SPOCK3: variants seen among roughly 807,000 people sequenced by gnomAD.
SPOCK3 encodes testican-3.
Under a neutral mutation model 56.6 loss-of-function variants are expected in SPOCK3, and 30 were observed. That is an observed-to-expected ratio of 0.53 (90% CI 0.40 to 0.72). The LOEUF is 0.72. Among genes scored for constraint, SPOCK3 ranks in the 30% least tolerant of loss-of-function variants. SPOCK3 has a pLI of 0.00. For missense variants in SPOCK3, 527 were observed against 530.0 expected, an observed-to-expected ratio of 0.99 and a Z score of 0.06; for synonymous variants, 196 against 183.3, an observed-to-expected ratio of 1.07 and a Z score of -0.56.
chr4:166,974,324 GGACA>G (rs1410783556), intron 4 of SPOCK3, among the ~76,000 whole-genome samples: 5 of 151,832 alleles, frequency 3.3e-5, no homozygotes, highest in Admixed American at 2.0e-4. Flanking sequence ...TTGGAATTGG[GGACA>G]GACATTGAAA....
chr4:167,046,258 T>G (rs1359292215), intron 3 of SPOCK3, among the ~76,000 whole-genome samples: 3 of 151,954 alleles, frequency 2.0e-5, no homozygotes, highest in Non-Finnish European at 4.4e-5. Context: ...TTTTTGTTTT[T>G]GCTTTATTTT....
At chr4:167,000,917 A>G (rs953572607) in intron 3 of SPOCK3, among the ~76,000 whole-genome samples, 1 of 152,220 alleles carries the variant, frequency 6.6e-6, no homozygotes, top group Non-Finnish European at 1.5e-5. Flanking sequence ...ATTAATGGAT[A>G]TCTTTGGCTA....
intron 6 of SPOCK3, among the ~76,000 whole-genome samples, chr4:166,823,331 T>C (rs1251862857): frequency 6.6e-6 from 1 of 151,900 alleles, no homozygotes; most frequent in Non-Finnish European, 1.5e-5. Context: ...GCAGAGACAC[T>C]AGATAAAAAA....
At chr4:166,782,856 A>G (rs947837644) in intron 7 of SPOCK3, among the ~76,000 whole-genome samples, 3 of 152,108 alleles carry the variant, frequency 2.0e-5, no homozygotes, top group Non-Finnish European at 4.4e-5. Flanking sequence ...TATTTTTGTG[A>G]GAAAGACTTT....
rs1756398471 is a variant in SPOCK3 at position 167,068,772 on chromosome 4, G to A, written c.190-6235C>T. Among the ~76,000 whole-genome samples the A allele has an allele frequency of 5.9e-5, 9 of 151,896 alleles. No individual in the cohort carries two copies. The South Asian group carries it at 1.9e-3, about 32-fold the overall frequency. ...ATTCTACAGAAAAAGAAAATTGAGT[G>A]GTACACAGCTTGTGACTTCAAGGAG... is the stretch of plus-strand genomic sequence containing the variant. On this transcript the variant is annotated intron_variant, in intron 2 of 10. Coordinates refer to ENST00000357545, the MANE Select transcript of SPOCK3 (RefSeq NM_001040159.2).
chr4:167,038,428 TTTATG>T (rs1752953578), intron 3 of SPOCK3, among the ~76,000 whole-genome samples: 1 of 152,130 alleles, frequency 6.6e-6, no homozygotes, highest in South Asian at 2.1e-4. Flanking sequence ...TATCTACAAA[TTTATG>T]TTATATTTTC....
intron 5 of SPOCK3, among the ~76,000 whole-genome samples, chr4:166,894,218 C>CT (rs1735099829): frequency 6.6e-6 from 1 of 151,928 alleles, no homozygotes; most frequent in Admixed American, 6.6e-5. Flanking sequence ...CTTCGAAAAA[C>CT]TTCTTTTTAT....
intron 4 of SPOCK3, among the ~76,000 whole-genome samples, chr4:166,914,809 AT>A (rs1737667074): frequency 6.6e-6 from 1 of 152,172 alleles, no homozygotes; most frequent in African/African-American, 2.4e-5. Context: ...AATTTGTGAA[AT>A]TGAAATGAGC....
intron 4 of SPOCK3, among the ~76,000 whole-genome samples, chr4:166,916,093 C>T (rs747810703): frequency 2.0e-5 from 3 of 152,020 alleles, no homozygotes; most frequent in African/African-American, 7.2e-5. Context: ...GGGTCACAAC[C>T]CTTCCCTTAA....
chr4:166,868,099 GTT>G (rs1050499890), intron 6 of SPOCK3, among the ~76,000 whole-genome samples: 18 of 151,950 alleles, frequency 1.2e-4, no homozygotes, highest in African/African-American at 3.6e-4. Flanking sequence ...ATAATTTTGA[GTT>G]TTTGTTGTTT....
At chr4:166,842,993 C>T (rs1341723454) in intron 6 of SPOCK3, among the ~76,000 whole-genome samples, 2 of 152,178 alleles carry the variant, frequency 1.3e-5, no homozygotes, top group Admixed American at 1.3e-4. Flanking sequence ...TGAGGCCCGG[C>T]GAGAATTCGA....
intron 6 of SPOCK3, among the ~76,000 whole-genome samples, chr4:166,880,460 A>G (rs1733570219): frequency 6.6e-6 from 1 of 152,074 alleles, no homozygotes; most frequent in Non-Finnish European, 1.5e-5. Flanking sequence ...GTTCACTCTC[A>G]TGATTTGATG....
At chr4:167,060,922 T>A (rs186951375) in intron 3 of SPOCK3, among the ~76,000 whole-genome samples, 89 of 152,162 alleles carry the variant, frequency 5.8e-4, no homozygotes, top group Non-Finnish European at 9.6e-4. Flanking sequence ...GTAATATATA[T>A]CAAACACTTG....
chr4:167,099,947 A>T (rs769121462), intron 2 of SPOCK3, among the ~76,000 whole-genome samples: 1 of 152,156 alleles, frequency 6.6e-6, no homozygotes, highest in South Asian at 2.1e-4. Context: ...TTTCTTCATG[A>T]CAATTATGTA....
chr4:167,018,425 A>ATT (rs1244227964), intron 3 of SPOCK3, among the ~76,000 whole-genome samples: 2 of 152,034 alleles, frequency 1.3e-5, no homozygotes. Flanking sequence ...GATGAGGAAA[A>ATT]TTCTTGTCTT....
At chr4:167,188,153 C>G (rs147955547) in intron 2 of SPOCK3, among the ~76,000 whole-genome samples, 1 of 146,168 alleles carries the variant, frequency 6.8e-6, no homozygotes, top group East Asian at 2.1e-4. Flanking sequence ...GACTCATGCA[C>G]GAAAGGTATA....
intron 4 of SPOCK3, among the ~76,000 whole-genome samples, chr4:166,948,815 T>G (rs999200024): frequency 2.0e-5 from 3 of 152,086 alleles, no homozygotes; most frequent in African/African-American, 4.8e-5. Flanking sequence ...CTGACAATTA[T>G]GTGTCTTGGA....
At chr4:167,026,674 A>C (rs1751722222) in intron 3 of SPOCK3, among the ~76,000 whole-genome samples, 1 of 152,094 alleles carries the variant, frequency 6.6e-6, no homozygotes, top group Admixed American at 6.6e-5. Context: ...CTACAAATTA[A>C]TTGATAAAGT....
At chr4:167,002,174 C>T in intron 3 of SPOCK3, among the ~76,000 whole-genome samples, 1 of 151,862 alleles carries the variant, frequency 6.6e-6, no homozygotes, top group East Asian at 1.9e-4. Flanking sequence ...GGCCAGGCAG[C>T]TCTTGAACTC....
Sources: gnomAD v4.1 joint callset for allele counts (sites outside exome capture counted in the v4.1 genomes callset) on GRCh38, gnomAD v4.1.1 for gene constraint, MANE v1.5 for transcripts, NCBI Gene and HGNC (gene_info 2026-07-23, HGNC 2026-07-21) for gene names.